The following GPC3 variants were observed in gnomAD, a reference collection of about 807,000 sequenced individuals.
GPC3 encodes glypican-3.
In GPC3, 3 loss-of-function variants were observed where a neutral mutation model predicts 34.4. The ratio of observed to expected loss-of-function variants is 0.09; its 90% CI spans 0.04 to 0.23. The LOEUF (loss-of-function observed/expected upper bound fraction) is 0.23, where lower values mean the gene tolerates loss of function less well. Among genes scored for constraint, GPC3 ranks in the 10% least tolerant of loss-of-function variants. The pLI is 1.00. For missense variants in GPC3, 351 were observed against 445.6 expected, an observed-to-expected ratio of 0.79 and a Z score of 1.91; for synonymous variants, 177 against 174.0, an observed-to-expected ratio of 1.02 and a Z score of -0.13.
chrX:133,597,852 C>G (rs2069935679), intron 6 of GPC3, among the ~76,000 whole-genome samples: 1 of 111,009 alleles, frequency 9.0e-6, no homozygotes, highest in Non-Finnish European at 1.9e-5. Context: ...AATCTACCAA[C>G]TGTCTCCCAC....
At chrX:133,844,061 T>C (rs1378595634) in intron 2 of GPC3, among the ~76,000 whole-genome samples, 1 of 111,449 alleles carries the variant, frequency 9.0e-6, no homozygotes, top group East Asian at 2.8e-4. Context: ...AAAATAAACC[T>C]GTGAGGAAGG....
chrX:133,890,627 G>A (rs1301345166), intron 2 of GPC3, among the ~76,000 whole-genome samples: 8 of 110,123 alleles, frequency 7.3e-5, no homozygotes, highest in African/African-American at 2.3e-4. Flanking sequence ...AGAGGCCGAC[G>A]CGGGTGGATC....
chrX:133,730,675 G>A (rs989593890), intron 3 of GPC3, among the ~76,000 whole-genome samples: 4 of 111,212 alleles, frequency 3.6e-5, no homozygotes, highest in African/African-American at 1.3e-4. Flanking sequence ...TGATTTCTAG[G>A]AATCCTACAA....
At chrX:133,830,276 G>A (rs1015713925) in intron 2 of GPC3, among the ~76,000 whole-genome samples, 3 of 111,497 alleles carry the variant, frequency 2.7e-5, no homozygotes, top group Non-Finnish European at 1.9e-5. Flanking sequence ...GCAATTCAGT[G>A]GAGCAAAGAT....
At chrX:133,978,439 T>A (rs2076525481) in intron 1 of GPC3, among the ~76,000 whole-genome samples, 1 of 112,212 alleles carries the variant, frequency 8.9e-6, no homozygotes, top group Non-Finnish European at 1.9e-5. Context: ...ATATCTTCAA[T>A]TTGTCTTGAA....
At chrX:133,848,929 GA>G (rs1384854634) in intron 2 of GPC3, among the ~76,000 whole-genome samples, 2 of 110,850 alleles carry the variant, frequency 1.8e-5, no homozygotes, top group African/African-American at 6.6e-5. Context: ...TGTAAGCCTA[GA>G]TAAAATGGGG....
At chrX:133,806,555 CA>C (rs2075636624) in intron 2 of GPC3, among the ~76,000 whole-genome samples, 1 of 111,744 alleles carries the variant, frequency 8.9e-6, no homozygotes. Context: ...ATGCAGATTT[CA>C]AAAAACAAGA....
intron 6 of GPC3, among the ~76,000 whole-genome samples, chrX:133,616,264 G>T (rs1198607651): frequency 4.5e-5 from 5 of 111,894 alleles, no homozygotes; most frequent in African/African-American, 1.6e-4. Flanking sequence ...AATTAATCAA[G>T]TAATTCTATG....
chrX:133,683,949 T>C (rs2070970946), intron 5 of GPC3, among the ~76,000 whole-genome samples: 1 of 112,206 alleles, frequency 8.9e-6, no homozygotes, highest in Non-Finnish European at 1.9e-5. Context: ...CTCTCCAAAC[T>C]GATCTGTTCT....
intron 6 of GPC3, among the ~76,000 whole-genome samples, chrX:133,646,325 G>A (rs1384556858): frequency 8.9e-6 from 1 of 111,781 alleles, no homozygotes; most frequent in Non-Finnish European, 1.9e-5. Context: ...AGAGAAGTGA[G>A]TAGGACATAG....
rs933093008 is a variant in GPC3, at chrX:133,807,800, G to C, written c.338-53624C>G. 4.3e-4 allele frequency among the ~76,000 whole-genome samples: 48 copies of C among 112,451 alleles called. 1 individual carries two copies. The Admixed American group carries it at 4.4e-3, about 10-fold the overall frequency. On this transcript the variant is annotated intron_variant, in intron 2 of 7. Transcript: ENST00000370818. Reference sequence around the variant, plus strand: ...TAATTTCCCTTCATTCTCTACTGCCGTGATCCCCAAAGAGTAGTCTCTGGG... The same window carrying C: ...TAATTTCCCTTCATTCTCTACTGCCCTGATCCCCAAAGAGTAGTCTCTGGG...
rs1288066108 is a variant in GPC3 at position 133,802,751 on chromosome X, GTCTTCCCAGTAT to G, written c.338-48587_338-48576del. ...CACACTAGTGACTGATCATTCCAAA[GTCTTCCCAGTAT>G]TCCCATCTAATGAGAATTCCTGCCC... On this transcript the variant is annotated intron_variant, in intron 2 of 7. Coordinates refer to ENST00000370818, the MANE Select transcript of GPC3 (RefSeq NM_004484.4). Among the ~76,000 whole-genome samples, 12 of 111,029 alleles carry G rather than the reference GTCTTCCCAGTAT, an allele frequency of 1.1e-4. No individual in the cohort carries two copies. The Admixed American group carries it at 1.2e-3, about 11-fold the overall frequency.
At chrX:133,658,116 C>T (rs184993735) in intron 6 of GPC3, among the ~76,000 whole-genome samples, 337 of 111,586 alleles carry the variant, frequency 3.0e-3, no homozygotes, top group African/African-American at 0.01. Flanking sequence ...ATCTTTAGGC[C>T]GATTTAGTCA....
chrX:133,616,846 C>T (rs750920685), intron 6 of GPC3, among the ~76,000 whole-genome samples: 5 of 108,501 alleles, frequency 4.6e-5, no homozygotes, highest in South Asian at 4.2e-4. Flanking sequence ...TACAGGTGCC[C>T]GCCACCTCGC....
At chrX:133,881,270 A>G (rs1404494179) in intron 2 of GPC3, among the ~76,000 whole-genome samples, 1 of 111,833 alleles carries the variant, frequency 8.9e-6, no homozygotes, top group Non-Finnish European at 1.9e-5. Context: ...ACACAGACAG[A>G]CATGGTCCAC....
intron 7 of GPC3, among the ~76,000 whole-genome samples, chrX:133,558,017 A>G (rs965668226): frequency 5.4e-5 from 6 of 111,543 alleles, no homozygotes; most frequent in Non-Finnish European, 9.4e-5. Context: ...TATGCCATGC[A>G]GAAATCCGGT....
intron 2 of GPC3, among the ~76,000 whole-genome samples, chrX:133,851,555 A>G (rs1350540726): frequency 9.0e-6 from 1 of 111,363 alleles, no homozygotes; most frequent in Admixed American, 9.6e-5. Flanking sequence ...AGTGGGCCCT[A>G]TCTCTTCCAA....
chrX:133,745,001 GGGGCCTGTCGGT>G (rs1443690886), intron 3 of GPC3, among the ~76,000 whole-genome samples: 47 of 110,311 alleles, frequency 4.3e-4, no homozygotes, highest in African/African-American at 1.4e-3. Context: ...ATCACACACC[GGGGCCTGTCGGT>G]GGGTGGGGGG....
intron 2 of GPC3, among the ~76,000 whole-genome samples, chrX:133,827,966 AAAG>A (rs1367299775): frequency 1.9e-5 from 2 of 107,638 alleles, no homozygotes; most frequent in Non-Finnish European, 3.8e-5. Context: ...AAAAAAAAAA[AAAG>A]AACAACCAAA....
Sources: allele counts gnomAD v4.1 joint callset (sites outside exome capture counted in the v4.1 genomes callset), GRCh38; gene constraint gnomAD v4.1.1; transcripts MANE v1.5; gene names NCBI Gene and HGNC (gene_info 2026-07-23, HGNC 2026-07-21).